SYN3: variants seen among roughly 807,000 people sequenced by gnomAD.
SYN3 encodes synapsin III.
A neutral mutation model predicts 65.8 loss-of-function variants in SYN3; 35 were observed. The ratio of observed to expected loss-of-function variants is 0.53; its 90% CI spans 0.41 to 0.70. The LOEUF (loss-of-function observed/expected upper bound fraction) is 0.70. Among genes scored for constraint, SYN3 ranks in the 30% least tolerant of loss-of-function variants. The pLI, the probability that SYN3 is intolerant of heterozygous loss-of-function variation, is 0.00. For synonymous variants in SYN3, 270 were observed against 292.9 expected (o/e 0.92, Z 0.80); for missense variants, 680 against 749.0 (o/e 0.91, Z 1.08).
chr22:32,686,922 T>C (rs964387323), intron 6 of SYN3, among the ~76,000 whole-genome samples: 1 of 151,980 alleles, frequency 6.6e-6, no homozygotes, highest in Non-Finnish European at 1.5e-5. Context: ...TTTGATGTTA[T>C]GAAATGCCTT....
intron 6 of SYN3, among the ~76,000 whole-genome samples, chr22:32,781,091 T>C (rs2046051980): frequency 1.6e-5 from 2 of 126,124 alleles, no homozygotes; most frequent in South Asian, 3.1e-4. Flanking sequence ...CATCCTCCCT[T>C]CCTCCCTTCT....
intron 6 of SYN3, among the ~76,000 whole-genome samples, chr22:32,833,688 C>G (rs997893308): frequency 6.6e-6 from 1 of 152,318 alleles, no homozygotes. Flanking sequence ...GCTGCCTGGA[C>G]TGGCATGCTA....
chr22:32,991,241 G>C (rs2052704607), intron 2 of SYN3, among the ~76,000 whole-genome samples: 1 of 151,126 alleles, frequency 6.6e-6, no homozygotes, highest in Non-Finnish European at 1.5e-5. Flanking sequence ...GGGAAGCTGA[G>C]GCAGGAGAAT....
intron 4 of SYN3, among the ~76,000 whole-genome samples, chr22:32,877,212 C>T (rs2049007755): frequency 6.6e-6 from 1 of 152,222 alleles, no homozygotes; most frequent in African/African-American, 2.4e-5. Context: ...TCTTCTGTGT[C>T]CTTACCTTAC....
At chr22:32,790,990 A>G (rs1171333188) in intron 6 of SYN3, among the ~76,000 whole-genome samples, 2 of 152,230 alleles carry the variant, frequency 1.3e-5, no homozygotes, top group African/African-American at 4.8e-5. Flanking sequence ...TGATCACTAG[A>G]GTATTCAGAG....
At chr22:32,866,855 G>A (rs1051835661) in intron 5 of SYN3, among the ~76,000 whole-genome samples, 1 of 152,184 alleles carries the variant, frequency 6.6e-6, no homozygotes, top group Non-Finnish European at 1.5e-5. Context: ...AGTAAGTACT[G>A]AGTGTTCCAA....
At chr22:32,629,264 T>C (rs1178792467) in intron 6 of SYN3, among the ~76,000 whole-genome samples, 1 of 152,096 alleles carries the variant, frequency 6.6e-6, no homozygotes, top group Non-Finnish European at 1.5e-5. Flanking sequence ...TACTAGGAGA[T>C]TGTGAAATGA....
At chr22:32,892,686 C>A (rs1055517207) in intron 4 of SYN3, among the ~76,000 whole-genome samples, 3 of 152,134 alleles carry the variant, frequency 2.0e-5, no homozygotes, top group African/African-American at 7.2e-5. Context: ...ACCACAGCCA[C>A]CCACAGCCCC....
intron 7 of SYN3, among the ~76,000 whole-genome samples, chr22:32,561,857 G>A (rs150653607): frequency 3.1e-4 from 47 of 152,332 alleles, no homozygotes; most frequent in African/African-American, 1.1e-3. Flanking sequence ...AGGCAAATCT[G>A]TCTCATTCTG....
Position 32,528,884 on chromosome 22 carries a change from AG to A in SYN3, c.1219del (p.Leu407SerfsTer23). ...PMPGGTAPSP[L>X]RPWAPQIKSA... Reference sequence around the variant, plus strand: ...TCGTGAGGGTCTTACCCAAGGTCTGAGGGGGGAGGGCGCTGTGCCTCCTGGC... The same window carrying A: ...TCGTGAGGGTCTTACCCAAGGTCTGAGGGGGAGGGCGCTGTGCCTCCTGGC... On this transcript the variant is annotated frameshift_variant, in exon 11 of 14. Coordinates refer to ENST00000358763, the MANE Select transcript of SYN3 (RefSeq NM_003490.4). LOFTEE classifies it high-confidence loss of function. 3 of 1,614,054 alleles carry A rather than the reference AG, an allele frequency of 1.9e-6. No homozygotes were observed. In the South Asian group the frequency reaches 3.3e-5, roughly 18 times the overall value.
chr22:32,693,528 A>C (rs2060693929), intron 6 of SYN3, among the ~76,000 whole-genome samples: 1 of 151,612 alleles, frequency 6.6e-6, no homozygotes, highest in African/African-American at 2.4e-5. Context: ...GATAAGGGGA[A>C]TTACCCTGTA....
rs1294698824 is a variant in SYN3, at chr22:32,719,159, AG to A, written c.712-122424del. 2.0e-5 allele frequency among the ~76,000 whole-genome samples: 3 copies of A among 152,290 alleles called. No individual in the cohort carries two copies. In the East Asian group the frequency reaches 5.8e-4, roughly 29 times the overall value. ...GAGGGGATCCTCTAAAACAGTTCTT[AG>A]CACCACATACTAAAATTACTCAATA... On this transcript the variant is annotated intron_variant, in intron 6 of 13. Transcript: ENST00000358763.
chr22:32,580,881 A>G (rs557222688), intron 7 of SYN3, among the ~76,000 whole-genome samples: 1 of 152,294 alleles, frequency 6.6e-6, no homozygotes, highest in South Asian at 2.1e-4. Flanking sequence ...AGCAGCATTG[A>G]TATCACCTGG....
intron 1 of SYN3, among the ~76,000 whole-genome samples, chr22:33,054,133 A>T (rs1329163869): frequency 3.3e-5 from 5 of 152,014 alleles, no homozygotes; most frequent in Admixed American, 1.3e-4. Context: ...CAAAGCTCTG[A>T]TTTTCTCCTC....
At chr22:32,788,795 T>A (rs913075610) in intron 6 of SYN3, among the ~76,000 whole-genome samples, 2 of 152,256 alleles carry the variant, frequency 1.3e-5, no homozygotes, top group East Asian at 1.9e-4. Context: ...TTATTGTTTA[T>A]CATGACTTGG....
chr22:32,997,508 T>C (rs1244491334), intron 2 of SYN3, among the ~76,000 whole-genome samples: 2 of 152,174 alleles, frequency 1.3e-5, no homozygotes, highest in African/African-American at 4.8e-5. Flanking sequence ...TTCTGTCTCC[T>C]TGAGCAGGTG....
intron 6 of SYN3, among the ~76,000 whole-genome samples, chr22:32,740,288 T>C (rs1004620549): frequency 6.6e-5 from 10 of 152,132 alleles, no homozygotes; most frequent in Admixed American, 2.6e-4. Context: ...AGAGGTGCAA[T>C]GTGGAACATG....
At chr22:32,595,566 T>C (rs2059187021) in intron 7 of SYN3, among the ~76,000 whole-genome samples, 1 of 152,244 alleles carries the variant, frequency 6.6e-6, no homozygotes, top group African/African-American at 2.4e-5. Context: ...GCTTCTTCCA[T>C]GAAGCCAGAT....
intron 6 of SYN3, among the ~76,000 whole-genome samples, chr22:32,628,361 T>C (rs534883125): frequency 6.6e-6 from 1 of 152,110 alleles, no homozygotes; most frequent in Non-Finnish European, 1.5e-5. Flanking sequence ...TTGAAGACCA[T>C]TACTGGAAGT....
Sources: gnomAD v4.1 joint callset for allele counts (sites outside exome capture counted in the v4.1 genomes callset) on GRCh38, gnomAD v4.1.1 for gene constraint, MANE v1.5 for transcripts, NCBI Gene and HGNC (gene_info 2026-07-23, HGNC 2026-07-21) for gene names.